The following PTPRG variants were observed in gnomAD, a reference collection of about 807,000 sequenced individuals.
PTPRG encodes the protein receptor-type tyrosine-protein phosphatase gamma.
A neutral mutation model predicts 165.3 loss-of-function variants in PTPRG; 102 were observed. The ratio of observed to expected loss-of-function variants is 0.62; its 90% CI spans 0.53 to 0.73. The LOEUF (loss-of-function observed/expected upper bound fraction) is 0.73. PTPRG is among the 30% of genes least tolerant of loss of function. PTPRG has a pLI of 0.00. For missense variants in PTPRG, 1,866 were observed against 1,861.4 expected, an observed-to-expected ratio of 1.00 and a Z score of -0.05; for synonymous variants, 675 against 669.5, an observed-to-expected ratio of 1.01 and a Z score of -0.13.
chr3:61,898,670 CT>C (rs1304267160), intron 2 of PTPRG, among the ~76,000 whole-genome samples: 1 of 152,190 alleles, frequency 6.6e-6, no homozygotes, highest in African/African-American at 2.4e-5. Context: ...AATGGAGTCT[CT>C]TTTCTTATTG....
chr3:61,674,485 TCAAAA>T (rs1703150906), intron 1 of PTPRG, among the ~76,000 whole-genome samples: 1 of 27,340 alleles, frequency 3.7e-5, no homozygotes, highest in African/African-American at 1.3e-4. Context: ...AGACTCCATC[TCAAAA>T]AAAAAAAAAA....
In PTPRG at chr3:61,873,270, G is replaced by C. The variant is rs563044821; in HGVS notation, c.191-116355G>C. On this transcript the variant is annotated intron_variant, in intron 2 of 29. Transcript: ENST00000474889. ...CATTCACCAGGCAGTAGGTGAATTT[G>C]ATGTTGTTTATTCATACCTTGGGAG... is the stretch of plus-strand genomic sequence containing the variant. 8.5e-5 allele frequency among the ~76,000 whole-genome samples: 13 copies of C among 152,326 alleles called. No individual in the cohort carries two copies. The East Asian group carries it at 2.5e-3, about 29-fold the overall frequency.
chr3:61,718,867 T>G (rs2031931666), intron 1 of PTPRG, among the ~76,000 whole-genome samples: 1 of 152,014 alleles, frequency 6.6e-6, no homozygotes, highest in African/African-American at 2.4e-5. Flanking sequence ...TTCCCAGGAG[T>G]CATTGAATTG....
intron 2 of PTPRG, among the ~76,000 whole-genome samples, chr3:61,827,677 T>C (rs2036151156): frequency 6.6e-6 from 1 of 151,996 alleles, no homozygotes; most frequent in Non-Finnish European, 1.5e-5. Context: ...TTTCAAATAC[T>C]GGGAAGGCCC....
chr3:61,848,476 T>A (rs970567857), intron 2 of PTPRG, among the ~76,000 whole-genome samples: 1 of 152,216 alleles, frequency 6.6e-6, no homozygotes, highest in Non-Finnish European at 1.5e-5. Context: ...CATTTGCATT[T>A]TTTATCTTTT....
At chr3:62,287,255 A>C (rs957007512) in intron 28 of PTPRG, among the ~76,000 whole-genome samples, 1 of 152,162 alleles carries the variant, frequency 6.6e-6, no homozygotes, top group Non-Finnish European at 1.5e-5. Flanking sequence ...CCTCCTAAAC[A>C]AAATCAGTAC....
chr3:61,702,548 G>A (rs1483722397), intron 1 of PTPRG, among the ~76,000 whole-genome samples: 2 of 152,228 alleles, frequency 1.3e-5, no homozygotes, highest in South Asian at 2.1e-4. Flanking sequence ...CACAGGCACA[G>A]TAAATTGTAC....
intron 8 of PTPRG, among the ~76,000 whole-genome samples, chr3:62,168,583 G>A (rs181354151): frequency 1.1e-3 from 160 of 152,320 alleles, no homozygotes; most frequent in African/African-American, 3.8e-3. Flanking sequence ...TGGCTCATCT[G>A]TTCAGTCACC....
intron 2 of PTPRG, among the ~76,000 whole-genome samples, chr3:61,932,995 T>C (rs1371425790): frequency 6.6e-6 from 1 of 152,174 alleles, no homozygotes; most frequent in Non-Finnish European, 1.5e-5. Flanking sequence ...AATGGTTAAA[T>C]TGGCTGTCTG....
intron 5 of PTPRG, among the ~76,000 whole-genome samples, chr3:62,122,126 A>G (rs114715124): frequency 2.0e-5 from 3 of 152,192 alleles, no homozygotes; most frequent in Non-Finnish European, 4.4e-5. Context: ...TAAATAAGCT[A>G]TCTGTAACCC....
intron 6 of PTPRG, among the ~76,000 whole-genome samples, chr3:62,150,606 C>G (rs1704297386): frequency 6.6e-6 from 1 of 152,126 alleles, no homozygotes; most frequent in Non-Finnish European, 1.5e-5. Context: ...TGCATAACAC[C>G]AGGCAGAGGC....
At chr3:61,640,752 A>G (rs9881520) in intron 1 of PTPRG, among the ~76,000 whole-genome samples, 92,398 of 152,118 alleles carry the variant, frequency 0.61, 29,155 homozygotes, top group African/African-American at 0.79. Flanking sequence ...GCAATGTAGT[A>G]ATTTAATCAA....
At chr3:61,780,683 T>G (rs2034522849) in intron 2 of PTPRG, among the ~76,000 whole-genome samples, 1 of 152,320 alleles carries the variant, frequency 6.6e-6, no homozygotes. Context: ...TATTGTGAAC[T>G]TAGCCATTTA....
At chr3:62,278,834 G>C (rs1243442727) in intron 26 of PTPRG, among the ~76,000 whole-genome samples, 1 of 152,046 alleles carries the variant, frequency 6.6e-6, no homozygotes, top group Non-Finnish European at 1.5e-5. Context: ...TGTGGAAATT[G>C]GAGGCACTTA....
intron 5 of PTPRG, among the ~76,000 whole-genome samples, chr3:62,113,744 C>T (rs1190888746): frequency 2.0e-5 from 3 of 152,094 alleles, no homozygotes; most frequent in South Asian, 2.1e-4. Flanking sequence ...CTGAATAAAA[C>T]GAAACTACTA....
At chr3:62,148,786 A>AAATG (rs1242025546) in intron 6 of PTPRG, among the ~76,000 whole-genome samples, 1 of 151,974 alleles carries the variant, frequency 6.6e-6, no homozygotes, top group Non-Finnish European at 1.5e-5. Context: ...ATAAATAAAT[A>AAATG]AATAGCTAAA....
intron 1 of PTPRG, among the ~76,000 whole-genome samples, chr3:61,565,629 TTTGTCTTTCGG>T (rs1699893058): frequency 7.2e-5 from 11 of 151,736 alleles, no homozygotes; most frequent in Middle Eastern, 3.4e-3. Context: ...TTAATTGATT[TTTGTCTTTCGG>T]CCCTCAGAGT....
intron 2 of PTPRG, among the ~76,000 whole-genome samples, chr3:61,752,941 G>T (rs2033501974): frequency 6.6e-6 from 1 of 151,950 alleles, no homozygotes; most frequent in South Asian, 2.1e-4. Context: ...GCATCACCTT[G>T]GAAAATGCAG....
chr3:61,777,390 T>C (rs867442210), intron 2 of PTPRG, among the ~76,000 whole-genome samples: 6 of 152,254 alleles, frequency 3.9e-5, no homozygotes, highest in Middle Eastern at 6.8e-3. Context: ...GGCAGAGAAA[T>C]AAGCTTTCAA....
Sources: gnomAD v4.1 joint callset for allele counts (sites outside exome capture counted in the v4.1 genomes callset) on GRCh38, gnomAD v4.1.1 for gene constraint, MANE v1.5 for transcripts, NCBI Gene and HGNC (gene_info 2026-07-23, HGNC 2026-07-21) for gene names.